The following FOXO1 variants were observed in gnomAD, a reference collection of about 807,000 sequenced individuals.
FOXO1 encodes the protein forkhead box O1.
Under a neutral mutation model 44.1 loss-of-function variants are expected in FOXO1, and 6 were observed. The observed-to-expected ratio is 0.14, with a 90% CI of 0.07 to 0.27. FOXO1 has a LOEUF of 0.27. FOXO1 is among the 10% of genes least tolerant of loss of function. FOXO1 has a pLI of 1.00. For missense variants in FOXO1, 737 were observed against 888.8 expected (o/e 0.83, Z 2.17); for synonymous variants, 380 against 362.7 (o/e 1.05, Z -0.54).
chr13:40,559,044 AAC>A lies in FOXO1; in HGVS notation c.*15-12_*15-11del. On this transcript the variant is annotated splice_polypyrimidine_tract_variant and intron_variant, in intron 2 of 2. Transcript: ENST00000379561. ...TACTTTTAAGTGTAACCTAGGAAAA[AAC>A]ACATACATACGCACACACACATACA... The A allele has an allele frequency of 2.5e-6, 1 of 398,200 alleles. No homozygotes were observed. Among genetic ancestry groups the A allele is most frequent in the Non-Finnish European group, 4.4e-6 (1 of 225,888 alleles). 24.7% of individuals were successfully genotyped at this position (398,200 alleles called of 1,614,324 possible).
intron 1 of FOXO1, among the ~76,000 whole-genome samples, chr13:40,653,689 C>T (rs550941148): frequency 6.6e-6 from 1 of 152,244 alleles, no homozygotes; most frequent in African/African-American, 2.4e-5. Flanking sequence ...AAAATACAAC[C>T]ACAGAGGTTC....
chr13:40,557,190 C>T lies in FOXO1; in HGVS notation c.*1859G>A, dbSNP rs1050665372. 1 of 152,198 alleles carries T rather than the reference C, an allele frequency of 6.6e-6. No homozygotes were observed. Among genetic ancestry groups the T allele is most frequent in the African/African-American group, 2.4e-5 (1 of 41,448 alleles). 9.4% of individuals were successfully genotyped at this position (152,198 alleles called of 1,614,324 possible). On this transcript the variant is annotated 3_prime_UTR_variant, in exon 3 of 3. Coordinates refer to ENST00000379561, the MANE Select transcript of FOXO1 (RefSeq NM_002015.4). ...AAGCAAGTGTGATGTGGGCTATATA[C>T]AGAAAAATTAGATCCTTCTCAAGAA...
chr13:40,635,973 G>A (rs1381541950), intron 1 of FOXO1, among the ~76,000 whole-genome samples: 1 of 152,226 alleles, frequency 6.6e-6, no homozygotes, highest in Non-Finnish European at 1.5e-5. Flanking sequence ...CCTTTGGGAG[G>A]CTGAGGCAGG....
At chr13:40,600,451 T>C (rs1180250817) in intron 1 of FOXO1, among the ~76,000 whole-genome samples, 1 of 151,518 alleles carries the variant, frequency 6.6e-6, no homozygotes, top group African/African-American at 2.4e-5. Context: ...AGCGTAGGAG[T>C]ATGATAAAAA....
chr13:40,632,123 T>G (rs1271669440), intron 1 of FOXO1, among the ~76,000 whole-genome samples: 1 of 151,892 alleles, frequency 6.6e-6, no homozygotes, highest in African/African-American at 2.4e-5. Flanking sequence ...TACAAAAAAT[T>G]AGCCAGGTGT....
chr13:40,661,511 G>A (rs998870302), intron 1 of FOXO1, among the ~76,000 whole-genome samples: 6 of 152,098 alleles, frequency 3.9e-5, no homozygotes, highest in Non-Finnish European at 8.8e-5. Flanking sequence ...TGCCCAGGGT[G>A]GTCTTGAACT....
chr13:40,607,825 G>A (rs899423277), intron 1 of FOXO1, among the ~76,000 whole-genome samples: 126 of 152,350 alleles, frequency 8.3e-4, no homozygotes, highest in African/African-American at 2.9e-3. Context: ...CTAAGGAGAC[G>A]GGCTAGCCCA....
intron 1 of FOXO1, among the ~76,000 whole-genome samples, chr13:40,659,432 C>T (rs1194205061): frequency 6.6e-6 from 1 of 150,812 alleles, no homozygotes; most frequent in Non-Finnish European, 1.5e-5. Context: ...TTGGGGGCTA[C>T]ACAGGCTAAT....
chr13:40,566,395 T>A (rs900963014), intron 1 of FOXO1, among the ~76,000 whole-genome samples: 1 of 151,532 alleles, frequency 6.6e-6, no homozygotes, highest in African/African-American at 2.4e-5. Flanking sequence ...TTTTTTTTTT[T>A]AAAGACAGAG....
intron 1 of FOXO1, among the ~76,000 whole-genome samples, chr13:40,617,868 C>A (rs549771175): frequency 2.0e-5 from 3 of 152,270 alleles, no homozygotes; most frequent in Admixed American, 1.3e-4. Flanking sequence ...ATGTATCACA[C>A]TGGAAATTCT....
rs1190362730 is a variant in FOXO1 at position 40,666,318 on chromosome 13, G to A, written c.-106C>T. 6.5e-6 allele frequency: 6 copies of A among 922,368 alleles called. No homozygotes were observed. Among genetic ancestry groups the A allele is most frequent in the Admixed American group, 4.2e-5 (1 of 23,596 alleles). The allele number at this position is 922,368 out of a possible 1,614,324, so 57.1% of individuals were successfully genotyped here. On this transcript the variant is annotated 5_prime_UTR_variant, in exon 1 of 3. Coordinates refer to ENST00000379561, the MANE Select transcript of FOXO1 (RefSeq NM_002015.4). ...CGAAGGGACGGTCCGAGATTTGGGG[G>A]AACGAAGCCGGTGCGGCGAGCGGAC...
chr13:40,659,809 A>T (rs1323296309), intron 1 of FOXO1, among the ~76,000 whole-genome samples: 8 of 152,210 alleles, frequency 5.3e-5, no homozygotes, highest in African/African-American at 1.7e-4. Flanking sequence ...GTAAACTGGG[A>T]TGCTAATGAA....
chr13:40,645,830 C>A (rs1037635248), intron 1 of FOXO1, among the ~76,000 whole-genome samples: 1 of 152,150 alleles, frequency 6.6e-6, no homozygotes, highest in Non-Finnish European at 1.5e-5. Flanking sequence ...CACCTGTAAT[C>A]CCAGCACTTT....
chr13:40,559,538 G>A lies in FOXO1; in HGVS notation c.1953C>T (p.Ser651=), dbSNP rs775066641. 1 of 1,600,220 alleles carries A rather than the reference G, an allele frequency of 6.2e-7. No homozygotes were observed. Among genetic ancestry groups the A allele is most frequent in the Non-Finnish European group, 8.5e-7 (1 of 1,171,536 alleles). Reference sequence around the variant, plus strand: ...TCACTAACCCTCAGCCTGACACCCAGCTATGTGTCGTTGTCTTGACACTGT... The same window carrying A: ...TCACTAACCCTCAGCCTGACACCCAACTATGTGTCGTTGTCTTGACACTGT... The part of the protein sequence containing the change: ...FPHSVKTTTH[S]WVSG The change falls in exon 2 of 3, where the codon AGC becomes AGT. Residue 651 remains serine, a synonymous_variant. Transcript: ENST00000379561.
chr13:40,590,666 T>C (rs1025790899), intron 1 of FOXO1, among the ~76,000 whole-genome samples: 3 of 152,230 alleles, frequency 2.0e-5, no homozygotes, highest in African/African-American at 7.2e-5. Flanking sequence ...TGGCTCAGCT[T>C]TGCCGTCAAC....
intron 1 of FOXO1, among the ~76,000 whole-genome samples, chr13:40,630,586 T>C (rs1243643609): frequency 6.7e-6 from 1 of 148,608 alleles, no homozygotes; most frequent in Non-Finnish European, 1.5e-5. Context: ...ACCCAAGAGG[T>C]GGAGGTTGGG....
In FOXO1 at chr13:40,613,816, G is replaced by T. The variant is rs187763769; in HGVS notation, c.630+51767C>A. On this transcript the variant is annotated intron_variant, in intron 1 of 2. Transcript: ENST00000379561. The stretch of plus-strand genomic sequence containing the variant: ...GTCTCCCATCAGGACCCTGTGACCA[G>T]AACTACCAGGCAGCTTTCATGGAAC... 4.6e-5 allele frequency among the ~76,000 whole-genome samples: 7 copies of T among 152,344 alleles called. No homozygotes were observed. The East Asian group carries it at 1.3e-3, about 29-fold the overall frequency.
intron 1 of FOXO1, chr13:40,619,673 C>A: frequency 1.4e-6 from 2 of 1,454,650 alleles, no homozygotes; most frequent in East Asian, 2.3e-5. Context: ...GGTGGTAGTT[C>A]CAACATTCTA....
chr13:40,643,266 C>T (rs1184194255), intron 1 of FOXO1, among the ~76,000 whole-genome samples: 2 of 150,066 alleles, frequency 1.3e-5, no homozygotes, highest in Non-Finnish European at 3.0e-5. Flanking sequence ...TGCTTGAACC[C>T]GGGAGGCAGA....
Sources: gnomAD v4.1 joint callset for allele counts (sites outside exome capture counted in the v4.1 genomes callset) on GRCh38, gnomAD v4.1.1 for gene constraint, MANE v1.5 for transcripts, NCBI Gene and HGNC (gene_info 2026-07-23, HGNC 2026-07-21) for gene names.